The following SPATA6 variants were observed in gnomAD, a reference collection of about 807,000 sequenced individuals.
SPATA6 encodes spermatogenesis-associated protein 6.
SPATA6 carries 56 observed loss-of-function variants against 65.3 expected under a neutral mutation model. The ratio of observed to expected loss-of-function variants is 0.86; its 90% CI spans 0.69 to 1.07. SPATA6 has a LOEUF of 1.07. Ranked by LOEUF, SPATA6 falls within the 50% of genes least tolerant of loss-of-function variation. The pLI is 0.00. For synonymous variants in SPATA6, 199 were observed against 213.2 expected (o/e 0.93, Z 0.58); for missense variants, 590 against 594.8 (o/e 0.99, Z 0.08).
At chr1:48,279,829 G>A in the SPATA6 span, among the ~76,000 whole-genome samples, 2 of 152,144 alleles carry the variant, frequency 1.3e-5, no homozygotes, top group Non-Finnish European at 2.9e-5. Context: ...GCACCAAGTG[G>A]ACCTAATAGA....
chr1:48,297,134 G>C lies in SPATA6; in HGVS notation c.*1579C>G, dbSNP rs971434853. The C allele has an allele frequency of 6.9e-6, 1 of 145,916 alleles. No individual in the cohort carries two copies. The highest frequency in any genetic ancestry group is 1.5e-5 in the Non-Finnish European group (1 of 67,654). The allele number at this position is 145,916 out of a possible 1,614,324, so 9.0% of individuals were successfully genotyped here. A position where few individuals can be genotyped will look rare whatever the true frequency, so the allele number is the denominator to read the frequency against. ...ATATGACTCTCTAAGAGGTGTGTGT[G>C]TGTGTGTGTGTGTGTGTGTGTGTGT... is the stretch of plus-strand genomic sequence containing the variant. On this transcript the variant is annotated 3_prime_UTR_variant, in exon 13 of 13. Transcript: ENST00000371847.
intron 3 of SPATA6, among the ~76,000 whole-genome samples, chr1:48,426,773 CAT>C (rs928297103): frequency 6.6e-6 from 1 of 151,848 alleles, no homozygotes; most frequent in Non-Finnish European, 1.5e-5. Flanking sequence ...AGCCAAAAAA[CAT>C]GTTAGCAAAA....
At chr1:48,286,986 C>T in the SPATA6 span, among the ~76,000 whole-genome samples, 9 of 150,494 alleles carry the variant, frequency 6.0e-5, no homozygotes, top group Non-Finnish European at 1.2e-4. Flanking sequence ...TTGCAGTGAG[C>T]CGAGATCACG....
intron 6 of SPATA6, among the ~76,000 whole-genome samples, chr1:48,402,385 C>G (rs534305467): frequency 1.8e-4 from 27 of 151,960 alleles, no homozygotes; most frequent in African/African-American, 6.5e-4. Flanking sequence ...CATACTCCAG[C>G]GTGAAGAAAA....
intron 11 of SPATA6, among the ~76,000 whole-genome samples, chr1:48,314,079 C>A (rs1645320607): frequency 6.6e-6 from 1 of 152,154 alleles, no homozygotes; most frequent in South Asian, 2.1e-4. Context: ...TAGACTCCCA[C>A]ACAATAATAA....
chr1:48,277,245 G>A, the SPATA6 span, among the ~76,000 whole-genome samples: 20,484 of 152,142 alleles, frequency 0.13, 1,819 homozygotes, highest in South Asian at 0.22. Flanking sequence ...TTTCCAGCGT[G>A]AGCGATGCAG....
Position 48,453,104 on chromosome 1 carries a change from C to A in SPATA6, c.79G>T (p.Asp27Tyr). The A allele has an allele frequency of 6.2e-7, 1 of 1,613,050 alleles. No homozygotes were observed. Among genetic ancestry groups the A allele is most frequent in the Non-Finnish European group, 8.5e-7 (1 of 1,179,708 alleles). Residue 27 changes from aspartate (D) to tyrosine (Y), a missense_variant, in exon 2 of 13, where the codon GAC becomes TAC. Transcript: ENST00000371847. ...SVTCPGVVLKDKEDIYLSICV... is the reference protein window; with the variant it reads ...SVTCPGVVLKYKEDIYLSICV... ...ATGCTAAGATAGATGTCCTCTTTGT[C>A]TTTAAGCACGACTCCTGGGCAAGTT... is the stretch of plus-strand genomic sequence containing the variant.
chr1:48,452,757 TA>T (rs1312108048), intron 2 of SPATA6, among the ~76,000 whole-genome samples: 16 of 152,200 alleles, frequency 1.1e-4, no homozygotes, highest in Admixed American at 9.8e-4. Flanking sequence ...GATTCTATGT[TA>T]CATAAAGTCC....
chr1:48,312,075 A>G (rs1486304021), intron 11 of SPATA6, among the ~76,000 whole-genome samples: 1 of 152,212 alleles, frequency 6.6e-6, no homozygotes, highest in Non-Finnish European at 1.5e-5. Context: ...AGGAAGCTCA[A>G]ACTCGGTGGA....
At chr1:48,334,685 C>T (rs115044019) in intron 11 of SPATA6, among the ~76,000 whole-genome samples, 1,865 of 152,134 alleles carry the variant, frequency 0.012, 45 homozygotes, top group African/African-American at 0.043. Flanking sequence ...TCACACTGAA[C>T]AGGCAAAAGC....
intron 12 of SPATA6, among the ~76,000 whole-genome samples, chr1:48,299,951 G>C (rs1644896490): frequency 6.6e-6 from 1 of 152,090 alleles, no homozygotes; most frequent in African/African-American, 2.4e-5. Flanking sequence ...ATGGAAACAA[G>C]GCAGAAGAGT....
downstream of SPATA6, among the ~76,000 whole-genome samples, chr1:48,294,210 G>A (rs1644786082): frequency 6.6e-6 from 1 of 152,094 alleles, no homozygotes. Context: ...CCGAGTAGCT[G>A]GGACTACAGG....
intron 11 of SPATA6, among the ~76,000 whole-genome samples, chr1:48,336,277 G>A (rs1046247226): frequency 6.6e-6 from 1 of 151,940 alleles, no homozygotes; most frequent in Non-Finnish European, 1.5e-5. Flanking sequence ...TCCCATGCCT[G>A]GGTATATATT....
intron 11 of SPATA6, among the ~76,000 whole-genome samples, chr1:48,316,289 A>C (rs1645417169): frequency 6.6e-6 from 1 of 152,164 alleles, no homozygotes; most frequent in Non-Finnish European, 1.5e-5. Flanking sequence ...ACTATACTAC[A>C]AGGCTACAGT....
intron 1 of SPATA6, among the ~76,000 whole-genome samples, chr1:48,460,122 C>T (rs991177866): frequency 6.6e-6 from 1 of 151,948 alleles, no homozygotes; most frequent in African/African-American, 2.4e-5. Context: ...AAGCAGGTGC[C>T]ACCATGCCTG....
chr1:48,319,809 G>C (rs1557556595), intron 11 of SPATA6, among the ~76,000 whole-genome samples: 1 of 152,272 alleles, frequency 6.6e-6, no homozygotes, highest in East Asian at 1.9e-4. Context: ...CCACAGGCTT[G>C]TGATCCCTGA....
intron 10 of SPATA6, among the ~76,000 whole-genome samples, chr1:48,357,783 T>C (rs1423295231): frequency 1.3e-5 from 2 of 152,148 alleles, no homozygotes; most frequent in East Asian, 3.9e-4. Flanking sequence ...ACATTTTATC[T>C]TCCTTTAGAG....
chr1:48,438,384 A>G (rs975098071), intron 3 of SPATA6, among the ~76,000 whole-genome samples: 11 of 152,156 alleles, frequency 7.2e-5, no homozygotes, highest in African/African-American at 2.4e-4. Flanking sequence ...TTGGCCAGTT[A>G]AAAGCGACTA....
At chr1:48,264,112 ATGGC>A in the SPATA6 span, among the ~76,000 whole-genome samples, 1 of 152,226 alleles carries the variant, frequency 6.6e-6, no homozygotes, top group African/African-American at 2.4e-5. Context: ...AAGATGAGAA[ATGGC>A]TGGAGAAACA....
Sources: allele counts gnomAD v4.1 joint callset (sites outside exome capture counted in the v4.1 genomes callset), GRCh38; gene constraint gnomAD v4.1.1; transcripts MANE v1.5; gene names NCBI Gene and HGNC (gene_info 2026-07-23, HGNC 2026-07-21).